ARHGAP6: variants seen among roughly 807,000 people sequenced by gnomAD.
ARHGAP6 encodes rho GTPase-activating protein 6.
In ARHGAP6, 16 loss-of-function variants were observed where a neutral mutation model predicts 55.7. The observed-to-expected ratio is 0.29, with a 90% confidence interval of 0.19 to 0.44. The LOEUF is 0.44. Ranked by LOEUF, ARHGAP6 falls within the 20% of genes least tolerant of loss-of-function variation. ARHGAP6 has a pLI of 1.00. For missense variants in ARHGAP6, 698 were observed against 808.9 expected, an observed-to-expected ratio of 0.86 and a Z score of 1.66; for synonymous variants, 382 against 360.9, an observed-to-expected ratio of 1.06 and a Z score of -0.66.
At chrX:11,375,044 A>G (rs2049185269) in intron 1 of ARHGAP6, among the ~76,000 whole-genome samples, 1 of 112,425 alleles carries the variant, frequency 8.9e-6, no homozygotes, top group South Asian at 3.6e-4. Flanking sequence ...TAATGCCTAG[A>G]ACAGTATCTC....
intron 9 of ARHGAP6, among the ~76,000 whole-genome samples, chrX:11,162,070 T>C (rs1294694480): frequency 1.8e-5 from 2 of 111,637 alleles, no homozygotes; most frequent in Admixed American, 9.6e-5. Context: ...CAGAAATTTG[T>C]AGTTTTCTTT....
At chrX:11,196,325 A>C (rs1353510481) in intron 3 of ARHGAP6, among the ~76,000 whole-genome samples, 1 of 111,142 alleles carries the variant, frequency 9.0e-6, no homozygotes, top group East Asian at 2.8e-4. Context: ...CCTTTGATAG[A>C]GCATCATCAT....
At chrX:11,352,053 A>C (rs2048869769) in intron 1 of ARHGAP6, among the ~76,000 whole-genome samples, 1 of 112,684 alleles carries the variant, frequency 8.9e-6, no homozygotes, top group South Asian at 3.7e-4. Context: ...GTCATTAATA[A>C]AACGACTACA....
chrX:11,138,823 C>CG lies in ARHGAP6; in HGVS notation c.*39dup, dbSNP rs2045578803. On this transcript the variant is annotated 3_prime_UTR_variant, in exon 13 of 13. Transcript: ENST00000337414. ...CCACGGTCCCCCCTGGGCTGGAGGG[C>CG]GGGGGGCTCGGGGCAGGGGGGGCTC... The CG allele has an allele frequency of 1.7e-6, 2 of 1,144,348 alleles. No homozygotes were observed. Among genetic ancestry groups the CG allele is most frequent in the Middle Eastern group, 3.3e-4 (1 of 3,023 alleles). 94.3% of individuals were successfully genotyped at this position (1,144,348 alleles called of 1,213,427 possible). A position where few individuals can be genotyped will look rare whatever the true frequency, so the allele number is the denominator to read the frequency against.
chrX:11,219,031 T>A (rs1602893040), intron 2 of ARHGAP6, among the ~76,000 whole-genome samples: 1 of 55,953 alleles, frequency 1.8e-5, no homozygotes, highest in Non-Finnish European at 3.2e-5. Flanking sequence ...TTGCTATCCC[T>A]CCCCCCTCCC....
chrX:11,248,932 A>C (rs1412260520), intron 2 of ARHGAP6, among the ~76,000 whole-genome samples: 7 of 111,679 alleles, frequency 6.3e-5, no homozygotes, highest in Non-Finnish European at 1.1e-4. Flanking sequence ...TACTCAGAGG[A>C]AAAGAAGTCA....
chrX:11,508,532 C>T (rs951194309), intron 1 of ARHGAP6, among the ~76,000 whole-genome samples: 3 of 110,822 alleles, frequency 2.7e-5, no homozygotes, highest in Non-Finnish European at 5.7e-5. Flanking sequence ...CCACTAAGTC[C>T]GTCTTTCCAT....
chrX:11,603,558 T>C (rs982209499), intron 1 of ARHGAP6, among the ~76,000 whole-genome samples: 4 of 111,621 alleles, frequency 3.6e-5, no homozygotes, highest in Admixed American at 9.5e-5. Context: ...ATTTGAGACA[T>C]CAAAGGGTCT....
chrX:11,333,303 C>T (rs2048584987), intron 1 of ARHGAP6, among the ~76,000 whole-genome samples: 2 of 111,417 alleles, frequency 1.8e-5, no homozygotes, highest in Non-Finnish European at 3.8e-5. Context: ...ATGTTGTTCT[C>T]GTGATAGTGA....
Position 11,144,095 on chromosome X carries a change from G to A in ARHGAP6, c.2061C>T (p.Asp687=). Residue 687 remains aspartate, a synonymous_variant, in exon 11 of 13, where the codon GAC becomes GAT. Coordinates refer to ENST00000337414, the MANE Select transcript of ARHGAP6 (RefSeq NM_013427.3). ...GCTTCTCCGAGCCCCCCGGGGCCGC[G>A]TCCTCTTGCATAGCCAGCAGGGAGC... ...SERSLLAMQE[D]AAPGGSEKLY... The A allele has an allele frequency of 1.7e-6, 2 of 1,211,077 alleles. No homozygotes were observed. Among genetic ancestry groups the A allele is most frequent in the African/African-American group, 1.7e-5 (1 of 57,806 alleles).
At chrX:11,586,759 G>C (rs2051738958) in intron 1 of ARHGAP6, among the ~76,000 whole-genome samples, 1 of 111,495 alleles carries the variant, frequency 9.0e-6, no homozygotes, top group Non-Finnish European at 1.9e-5. Flanking sequence ...AAATTGCTTG[G>C]GTAATATGGC....
intron 1 of ARHGAP6, among the ~76,000 whole-genome samples, chrX:11,621,595 C>CA (rs1569062453): frequency 9.0e-6 from 1 of 110,701 alleles, no homozygotes; most frequent in Non-Finnish European, 1.9e-5. Flanking sequence ...CAGAAGCCAG[C>CA]AAAAAGAGAA....
In ARHGAP6 at chrX:11,665,538, A is replaced by AC. The variant is rs778166558; in HGVS notation, c.-711dup. ...CTCTGTCTTGCTGCAGTGTGGGGAC[A>AC]CCGAGCGTGCTGCGCCCGGGACCTC... On this transcript the variant is annotated 5_prime_UTR_variant, in exon 1 of 13. Transcript: ENST00000337414. 51 of 113,544 alleles carry AC rather than the reference A, an allele frequency of 4.5e-4. No homozygotes were observed. Among genetic ancestry groups the AC allele is most frequent in the African/African-American group, 1.6e-3 (50 of 31,351 alleles). 9.4% of individuals were successfully genotyped at this position (113,544 alleles called of 1,213,427 possible). A position where few individuals can be genotyped will look rare whatever the true frequency, so the allele number is the denominator to read the frequency against.
chrX:11,626,015 A>C (rs1487569192), intron 1 of ARHGAP6, among the ~76,000 whole-genome samples: 1 of 112,104 alleles, frequency 8.9e-6, no homozygotes, highest in East Asian at 2.8e-4. Flanking sequence ...AATTGATGAA[A>C]TATAAAACAA....
At chrX:11,335,698 G>T in intron 1 of ARHGAP6, 1 of 320,110 alleles carries the variant, frequency 3.1e-6, no homozygotes. Context: ...GTCTCTTATT[G>T]TCCCGGTAGG....
intron 1 of ARHGAP6, among the ~76,000 whole-genome samples, chrX:11,474,729 T>C (rs1052645900): frequency 9.0e-6 from 1 of 111,372 alleles, no homozygotes; most frequent in African/African-American, 3.3e-5. Context: ...TGTGGTGGTG[T>C]TGGGAGGTGG....
intron 3 of ARHGAP6, among the ~76,000 whole-genome samples, chrX:11,192,754 G>T (rs2046477229): frequency 9.0e-6 from 1 of 111,679 alleles, no homozygotes; most frequent in African/African-American, 3.3e-5. Flanking sequence ...ATACATATAT[G>T]GCATAATCTG....
intron 1 of ARHGAP6, among the ~76,000 whole-genome samples, chrX:11,382,804 C>CA (rs2049277916): frequency 9.0e-6 from 1 of 111,256 alleles, no homozygotes; most frequent in Non-Finnish European, 1.9e-5. Context: ...CCAAGGAAAC[C>CA]AAAAAACAAC....
chrX:11,242,173 C>G (rs972595080), intron 2 of ARHGAP6, among the ~76,000 whole-genome samples: 3 of 112,142 alleles, frequency 2.7e-5, no homozygotes, highest in African/African-American at 9.7e-5. Flanking sequence ...GATCCTCGAA[C>G]CTCAAAGCAA....
Sources: gnomAD v4.1 joint callset for allele counts (sites outside exome capture counted in the v4.1 genomes callset) on GRCh38, gnomAD v4.1.1 for gene constraint, MANE v1.5 for transcripts, NCBI Gene and HGNC (gene_info 2026-07-23, HGNC 2026-07-21) for gene names.